ZSCAN5A: variants seen among roughly 807,000 people sequenced by gnomAD.
The protein encoded by ZSCAN5A is zinc finger and SCAN domain-containing protein 5A.
A neutral mutation model predicts 23.7 loss-of-function variants in ZSCAN5A; 12 were observed. The ratio of observed to expected loss-of-function variants is 0.51; its 90% CI spans 0.32 to 0.82. The LOEUF (loss-of-function observed/expected upper bound fraction) is 0.82, where lower values mean the gene tolerates loss of function less well. Among genes scored for constraint, ZSCAN5A ranks in the 40% least tolerant of loss-of-function variants. The pLI, the probability that ZSCAN5A is intolerant of heterozygous loss-of-function variation, is 0.03. For missense variants in ZSCAN5A, 597 were observed against 617.9 expected (o/e 0.97, Z 0.36); for synonymous variants, 257 against 239.9 (o/e 1.07, Z -0.66).
At chr19:56,261,975 A>G (rs1029806554) in intron 2 of ZSCAN5A, among the ~76,000 whole-genome samples, 1 of 152,172 alleles carries the variant, frequency 6.6e-6, no homozygotes, top group Non-Finnish European at 1.5e-5. Context: ...GTACCTCAGA[A>G]GTCTCCCTCT....
At position 56,221,931 on chromosome 19, in the gene ZSCAN5A, T is replaced by C. The variant is rs1412527430; in HGVS notation, c.1135A>G (p.Thr379Ala). The change falls in exon 6 of 6, where the codon ACA becomes GCA. Residue 379 changes from threonine to alanine, a missense_variant. Physicochemically the swap from Thr to Ala is moderately conservative, Grantham distance 58. This residue lies in a region of ZSCAN5A where 406 missense variants were observed against 353.2 expected (regional missense o/e 1.15). Transcript: ENST00000683990. The stretch of plus-strand genomic sequence containing the variant: ...TTACATTGAAAGAGTCTCTCGCCTG[T>C]GTGTGATCTCTTGTGGATGACTAGC... Reference protein sequence around the residue: ...SKLVIHKRSHTGERLFQCNLC... With the variant: ...SKLVIHKRSHAGERLFQCNLC... 2 of 1,614,168 alleles carry C rather than the reference T, an allele frequency of 1.2e-6. No homozygotes were observed. Among genetic ancestry groups the C allele is most frequent in the Non-Finnish European group, 1.7e-6 (2 of 1,180,032 alleles).
chr19:56,320,618 T>A (rs1052304455), intron 2 of ZSCAN5A: 24 of 433,574 alleles, frequency 5.5e-5, no homozygotes, highest in Non-Finnish European at 6.1e-5. Context: ...GTCTCAAAAA[T>A]AATAATAATA....
rs750694178 is a variant in ZSCAN5A, at chr19:56,221,703, G to A, written c.1363C>T (p.Leu455=). 6.2e-7 allele frequency: 1 copy of A among 1,614,216 alleles called. No individual in the cohort carries two copies. Among genetic ancestry groups the A allele is most frequent in the Non-Finnish European group, 8.5e-7 (1 of 1,180,048 alleles). The change falls in exon 6 of 6, where the codon CTG becomes TTG. Residue 455 remains leucine, a synonymous_variant. Transcript: ENST00000683990. ...CKKVFTYRGS[L]KEHQRIHSGE... ...GAGTGGATGCGCTGGTGCTCCTTCA[G>A]GCTCCCCCTGTAGGTGAAAACTTTC...
chr19:56,245,051 T>C (rs911561113), intron 2 of ZSCAN5A, among the ~76,000 whole-genome samples: 2 of 152,088 alleles, frequency 1.3e-5, no homozygotes, highest in Non-Finnish European at 2.9e-5. Context: ...TGTACTTATG[T>C]AGAAAAGGAA....
chr19:56,263,519 A>G (rs1299603055), intron 2 of ZSCAN5A: 3 of 152,192 alleles, frequency 2.0e-5, no homozygotes, highest in African/African-American at 7.2e-5. Context: ...ATCAGGACCT[A>G]CCAGTCCCAA....
intron 2 of ZSCAN5A, among the ~76,000 whole-genome samples, chr19:56,329,618 A>G (rs1192727866): frequency 6.6e-6 from 1 of 152,044 alleles, no homozygotes; most frequent in Non-Finnish European, 1.5e-5. Flanking sequence ...AAATTATTGA[A>G]ATTGAAAATA....
chr19:56,236,602 ACGG>A (rs2034937180), intron 2 of ZSCAN5A, among the ~76,000 whole-genome samples: 2 of 42,958 alleles, frequency 4.7e-5, no homozygotes, highest in African/African-American at 8.7e-5. Flanking sequence ...CCTCTGATGG[ACGG>A]TGGGCCAAGC....
chr19:56,281,441 T>C (rs1450198351), intron 2 of ZSCAN5A, among the ~76,000 whole-genome samples: 1 of 152,226 alleles, frequency 6.6e-6, no homozygotes, highest in Non-Finnish European at 1.5e-5. Context: ...AAAGAAGGGT[T>C]TCTAACACTC....
chr19:56,222,176 G>T lies in ZSCAN5A; in HGVS notation c.890C>A (p.Pro297His). The T allele has an allele frequency of 6.2e-7, 1 of 1,613,900 alleles. No individual in the cohort carries two copies. The highest frequency in any genetic ancestry group is 8.5e-7 in the Non-Finnish European group (1 of 1,180,002). ...NRGDALNLSSPKRSKPDASSI... is the reference protein window; with the variant it reads ...NRGDALNLSSHKRSKPDASSI... ...GGAGGCATCTGGTTTGCTTCTTTTG[G>T]GACTGCTCAGATTCAGAGCGTCTCC... Residue 297 changes from proline to histidine, a missense_variant, in exon 6 of 6, where the codon CCC becomes CAC. Physicochemically the swap from Pro to His is moderately conservative, Grantham distance 77. Around this residue, in one of 5 missense-constraint regions of ZSCAN5A, gnomAD observed 406 missense variants for 353.2 expected, o/e 1.15. Transcript: ENST00000683990.
intron 2 of ZSCAN5A, among the ~76,000 whole-genome samples, chr19:56,290,430 C>T (rs1317028911): frequency 1.3e-5 from 2 of 152,214 alleles, no homozygotes; most frequent in Admixed American, 6.5e-5. Context: ...AGAGGTCAGA[C>T]ATTTATTGAC....
intron 2 of ZSCAN5A, among the ~76,000 whole-genome samples, chr19:56,271,202 A>T (rs559958253): frequency 6.6e-6 from 1 of 152,304 alleles, no homozygotes; most frequent in African/African-American, 2.4e-5. Flanking sequence ...AATGGCCTCT[A>T]ATTAACCACT....
chr19:56,241,692 T>G (rs916801649), intron 2 of ZSCAN5A, among the ~76,000 whole-genome samples: 9 of 152,192 alleles, frequency 5.9e-5, no homozygotes, highest in Admixed American at 2.0e-4. Context: ...AATTCATCTC[T>G]CCAACTGAAA....
At chr19:56,294,566 C>T (rs1468795971) in intron 2 of ZSCAN5A, among the ~76,000 whole-genome samples, 1 of 152,188 alleles carries the variant, frequency 6.6e-6, no homozygotes, top group Non-Finnish European at 1.5e-5. Context: ...TCTGCTGCCA[C>T]TCACTACTCA....
chr19:56,301,739 G>A lies in ZSCAN5A; in HGVS notation c.-128+11544C>T, dbSNP rs2040245863. ...ACAGGGTCAGATTTGGTGATGTCTTGGATGTGAGGTGGGAGAGCCAAAAGG... is the reference window on the plus strand; with the variant it reads ...ACAGGGTCAGATTTGGTGATGTCTTAGATGTGAGGTGGGAGAGCCAAAAGG... On this transcript the variant is annotated intron_variant, in intron 2 of 5. Coordinates refer to ENST00000683990, the MANE Select transcript of ZSCAN5A (RefSeq NM_001322064.3). Among the ~76,000 whole-genome samples, 4 of 152,128 alleles carry A rather than the reference G, an allele frequency of 2.6e-5. No homozygotes were observed. The South Asian group carries it at 8.3e-4, about 32-fold the overall frequency.
At chr19:56,367,428 C>G (rs982316958) in intron 1 of ZSCAN5A, 9 of 152,190 alleles carry the variant, frequency 5.9e-5, no homozygotes, top group African/African-American at 2.2e-4. Context: ...AACTGGCCTC[C>G]TCACAAATGG....
chr19:56,353,571 A>G (rs527402891), intron 2 of ZSCAN5A, among the ~76,000 whole-genome samples: 9 of 152,072 alleles, frequency 5.9e-5, no homozygotes, highest in Non-Finnish European at 1.0e-4. Flanking sequence ...AGGTCAGGAG[A>G]TCGAGACCAT....
chr19:56,272,295 G>C (rs531441318), intron 2 of ZSCAN5A, among the ~76,000 whole-genome samples: 65 of 152,294 alleles, frequency 4.3e-4, no homozygotes, highest in African/African-American at 1.5e-3. Context: ...TTTCTATAAA[G>C]GGCCGGACAG....
At chr19:56,327,939 G>T (rs999238399) in intron 2 of ZSCAN5A, among the ~76,000 whole-genome samples, 2 of 145,486 alleles carry the variant, frequency 1.4e-5, no homozygotes, top group African/African-American at 5.4e-5. Context: ...AAATATGATA[G>T]TATACATGAT....
intron 2 of ZSCAN5A, among the ~76,000 whole-genome samples, chr19:56,336,983 G>A (rs2041544149): frequency 1.3e-5 from 2 of 152,226 alleles, no homozygotes; most frequent in Admixed American, 1.3e-4. Context: ...TGAGGTGTCA[G>A]TCTGCCCCTA....
Sources: allele counts gnomAD v4.1 joint callset (sites outside exome capture counted in the v4.1 genomes callset), GRCh38; gene constraint gnomAD v4.1.1; regional missense constraint gnomAD v4.1.1; transcripts MANE v1.5; gene names NCBI Gene and HGNC (gene_info 2026-07-23, HGNC 2026-07-21).